NMRK1: variants seen among roughly 807,000 people sequenced by gnomAD.
NMRK1 encodes nicotinamide riboside kinase 1, also known as NRK 1.
NMRK1 carries 28 observed loss-of-function variants against 29.9 expected under a neutral mutation model. The observed-to-expected ratio is 0.94, with a 90% confidence interval of 0.69 to 1.28. The LOEUF is 1.28. NMRK1 is among the 50% of genes most tolerant of loss of function. The pLI is 0.00. For synonymous variants in NMRK1, 58 were observed against 73.0 expected (o/e 0.79, Z 1.05); for missense variants, 218 against 233.1 (o/e 0.94, Z 0.42).
chr9:75,076,611 G>T (rs1446913781), intron 4 of NMRK1, among the ~76,000 whole-genome samples: 2 of 152,012 alleles, frequency 1.3e-5, no homozygotes, highest in Non-Finnish European at 2.9e-5. Flanking sequence ...ATATTTTTGA[G>T]ACAGGGTCTC....
chr9:75,077,633 T>TAA, intron 2 of NMRK1, 53 bp from the exon 3 acceptor site: 2 of 1,281,818 alleles, frequency 1.6e-6, no homozygotes, highest in South Asian at 1.2e-5. Flanking sequence ...TAAAAATCAT[T>TAA]AAACACTTTT....
At chr9:75,065,915 G>T (rs909507858) in intron 8 of NMRK1, among the ~76,000 whole-genome samples, 11 of 152,182 alleles carry the variant, frequency 7.2e-5, no homozygotes, top group African/African-American at 2.4e-4. Context: ...TCTTGAAAAA[G>T]ATATCTTTTT....
chr9:75,067,690 G>C (rs552961674), intron 7 of NMRK1, among the ~76,000 whole-genome samples: 1 of 152,270 alleles, frequency 6.6e-6, no homozygotes, highest in East Asian at 1.9e-4. Context: ...TTGCATTTTA[G>C]GTAAAAGGGA....
At chr9:75,069,249 G>A (rs1823552643) in intron 6 of NMRK1, 147 bp from the exon 7 acceptor site, 5 of 571,446 alleles carry the variant, frequency 8.7e-6, no homozygotes. Flanking sequence ...TAACTCAATG[G>A]CAGTTAGAAC....
At chr9:75,069,300 T>C in intron 6 of NMRK1, 198 bp from the exon 7 acceptor site, 1 of 549,210 alleles carries the variant, frequency 1.8e-6, no homozygotes, top group Admixed American at 3.2e-5. Flanking sequence ...TAAAATTAAC[T>C]TTGTAATCCA....
At chr9:75,061,801 C>T (rs887743689) in intron 8 of NMRK1, among the ~76,000 whole-genome samples, 2 of 152,092 alleles carry the variant, frequency 1.3e-5, no homozygotes, top group African/African-American at 2.4e-5. Context: ...ACTTGTAGTT[C>T]GTATAGTAAT....
chr9:75,068,356 C>T (rs1823488317), intron 7 of NMRK1, among the ~76,000 whole-genome samples: 2 of 152,162 alleles, frequency 1.3e-5, no homozygotes, highest in South Asian at 4.1e-4. Flanking sequence ...GATTATTGGC[C>T]TTATAGGGTC....
At chr9:75,079,609 G>A (rs906701130) in intron 2 of NMRK1, among the ~76,000 whole-genome samples, 1 of 152,112 alleles carries the variant, frequency 6.6e-6, no homozygotes, top group Non-Finnish European at 1.5e-5. Flanking sequence ...GATATGGAGA[G>A]GAGAGGGGAG....
At chr9:75,075,073 G>A (rs1382488143) in intron 4 of NMRK1, among the ~76,000 whole-genome samples, 1 of 152,038 alleles carries the variant, frequency 6.6e-6, no homozygotes. Flanking sequence ...AAACATCTTC[G>A]TTTACTTGGT....
In NMRK1 at chr9:75,061,654, A is replaced by G. The variant is rs1823026679; in HGVS notation, c.581-87T>C. ...TACATCAACAACAGTAAATCTAAGG[A>G]TGTTTAAATTAGAGGGATTCTGGAG... is the stretch of plus-strand genomic sequence containing the variant. On this transcript the variant is annotated intron_variant, in intron 8 of 8. Transcript: ENST00000361092. 3 of 1,156,382 alleles carry G rather than the reference A, an allele frequency of 2.6e-6. No homozygotes were observed. The East Asian group carries it at 7.1e-5, about 27-fold the overall frequency. The allele number at this position is 1,156,382 out of a possible 1,614,324, so 71.6% of individuals were successfully genotyped here.
rs60951131 is a variant in NMRK1 at position 75,075,627 on chromosome 9, A to G, written c.169+1532T>C. ...GCCTATTAGCATGATATTCTCTACAAAAAATGTTTTATGATAGGCTGTAAT... is the reference window on the plus strand; with the variant it reads ...GCCTATTAGCATGATATTCTCTACAGAAAATGTTTTATGATAGGCTGTAAT... On this transcript the variant is annotated intron_variant, in intron 4 of 8. Coordinates refer to ENST00000361092, the MANE Select transcript of NMRK1 (RefSeq NM_017881.3). Among the ~76,000 whole-genome samples, 458 of 152,354 alleles carry G rather than the reference A, an allele frequency of 3.0e-3. 1 individual carries two copies. The highest frequency in any genetic ancestry group is 0.011 in the African/African-American group (449 of 41,582).
rs184654945 is a variant in NMRK1 at position 75,078,383 on chromosome 9, G to A, written c.30-803C>T. On this transcript the variant is annotated intron_variant, in intron 2 of 8. Coordinates refer to ENST00000361092, the MANE Select transcript of NMRK1 (RefSeq NM_017881.3). ...TTTCCCCATCTCTCTCCACCTGGGG[G>A]CCAGCTGGGAGGTCTGCTGTAGCTT... is the stretch of plus-strand genomic sequence containing the variant. 1.5e-4 allele frequency: 239 copies of A among 1,566,836 alleles called. 2 individuals carry two copies. The African/African-American group carries it at 2.6e-3, about 17-fold the overall frequency.
chr9:75,085,493 G>A (rs1231485701), intron 1 of NMRK1, among the ~76,000 whole-genome samples: 1 of 152,054 alleles, frequency 6.6e-6, no homozygotes, highest in East Asian at 1.9e-4. Flanking sequence ...TTATTGATGG[G>A]GCATCTATTT....
chr9:75,061,664 T>C, intron 8 of NMRK1, 97 bp from the exon 9 acceptor site: 1 of 1,068,820 alleles, frequency 9.4e-7, no homozygotes, highest in Non-Finnish European at 1.4e-6. Flanking sequence ...ATGTTTAAAT[T>C]AGAGGGATTC....
intron 2 of NMRK1, chr9:75,078,226 C>T: frequency 6.7e-7 from 1 of 1,503,504 alleles, no homozygotes; most frequent in Non-Finnish European, 9.0e-7. Flanking sequence ...ATGAGTAGCA[C>T]ATTTTAGTGC....
intron 2 of NMRK1, among the ~76,000 whole-genome samples, chr9:75,078,008 T>G (rs1824103730): frequency 6.6e-6 from 1 of 152,222 alleles, no homozygotes; most frequent in South Asian, 2.1e-4. Context: ...ATGATTTCTT[T>G]CATAGATAGT....
At chr9:75,080,417 C>T (rs1050796643) in intron 2 of NMRK1, among the ~76,000 whole-genome samples, 4 of 152,196 alleles carry the variant, frequency 2.6e-5, no homozygotes, top group Admixed American at 2.6e-4. Context: ...TTTGGGAGGT[C>T]GAGGTGGGTG....
At chr9:75,081,372 T>G (rs34132905) in intron 2 of NMRK1, among the ~76,000 whole-genome samples, 1 of 152,044 alleles carries the variant, frequency 6.6e-6, no homozygotes, top group Non-Finnish European at 1.5e-5. Context: ...ATGGGAAGAT[T>G]GTTTGAGGTC....
chr9:75,087,087 A>G (rs554649995), intron 1 of NMRK1, among the ~76,000 whole-genome samples: 16 of 152,068 alleles, frequency 1.1e-4, no homozygotes, highest in African/African-American at 3.9e-4. Flanking sequence ...TTGCAGTTTT[A>G]GTAGAGATCG....
Sources: gnomAD v4.1 joint callset for allele counts (sites outside exome capture counted in the v4.1 genomes callset) on GRCh38, gnomAD v4.1.1 for gene constraint, MANE v1.5 for transcripts, NCBI Gene and HGNC (gene_info 2026-07-23, HGNC 2026-07-21) for gene names.